The following USP39 variants were observed in gnomAD, a reference collection of about 807,000 sequenced individuals.
The protein encoded by USP39 is ubiquitin carboxyl-terminal hydrolase 39.
USP39 carries 38 observed loss-of-function variants against 66.4 expected under a neutral mutation model. The ratio of observed to expected loss-of-function variants is 0.57; its 90% CI spans 0.44 to 0.75. The LOEUF (loss-of-function observed/expected upper bound fraction) is 0.75. USP39 is among the 30% of genes least tolerant of loss of function. USP39 has a pLI of 0.00. For missense variants in USP39, 608 were observed against 714.4 expected, an observed-to-expected ratio of 0.85 and a Z score of 1.70; for synonymous variants, 303 against 274.6, an observed-to-expected ratio of 1.10 and a Z score of -1.02.
At chr2:85,641,907 TAAAAAAA>T (rs759697072) in intron 10 of USP39, among the ~76,000 whole-genome samples, 5 of 91,334 alleles carry the variant, frequency 5.5e-5, no homozygotes, top group Admixed American at 1.4e-4. Context: ...GTGACTGTGC[TAAAAAAA>T]AAAAAAAAAA....
At chr2:85,624,450 A>G (rs1024304636) in intron 4 of USP39, among the ~76,000 whole-genome samples, 3 of 151,812 alleles carry the variant, frequency 2.0e-5, no homozygotes, top group Admixed American at 6.6e-5. Context: ...GGTTCAAGTG[A>G]TACTTTTACT....
upstream of USP39, chr2:85,612,163 G>A: frequency 1.1e-6 from 1 of 889,608 alleles, no homozygotes; most frequent in Non-Finnish European, 1.7e-6. Flanking sequence ...GGTCGGGTCG[G>A]GTGGAGTAGG....
At chr2:85,607,099 A>G (rs1356140777) in intron 1 of USP39, 2 of 152,176 alleles carry the variant, frequency 1.3e-5, no homozygotes, top group African/African-American at 4.8e-5. Flanking sequence ...CCAAGCCCCC[A>G]AACTCCTCTT....
rs538530285 is a variant in USP39, at chr2:85,649,134, A to G, written c.*326A>G. On this transcript the variant is annotated 3_prime_UTR_variant, in exon 13 of 13. Transcript: ENST00000323701. ...TCTGGGAGTAGTTGAAGAACAGATAATTCCTTCCAAACATCAAGCCTTGGG... is the reference window on the plus strand; with the variant it reads ...TCTGGGAGTAGTTGAAGAACAGATAGTTCCTTCCAAACATCAAGCCTTGGG... 2 of 260,236 alleles carry G rather than the reference A, an allele frequency of 7.7e-6. No individual in the cohort carries two copies. The highest frequency in any genetic ancestry group is 4.5e-5 in the African/African-American group (2 of 44,344). The allele number at this position is 260,236 out of a possible 1,614,324, so 16.1% of individuals were successfully genotyped here. A position where few individuals can be genotyped will look rare whatever the true frequency, so the allele number is the denominator to read the frequency against.
chr2:85,648,749 C>T lies in USP39; in HGVS notation c.1651-12C>T. 1 of 1,613,996 alleles carries T rather than the reference C, an allele frequency of 6.2e-7. No homozygotes were observed. The highest frequency in any genetic ancestry group is 8.5e-7 in the Non-Finnish European group (1 of 1,179,916). On this transcript the variant is annotated splice_polypyrimidine_tract_variant and intron_variant, in intron 12 of 12. Transcript: ENST00000323701. ...CCTCCTAGACTTCAGTTTGTGTTTT[C>T]ATTTCTTACAGATTTGGAAGAGGCG...
At chr2:85,610,358 CTT>C (rs1673431756), upstream of USP39, 1 of 152,194 alleles carries the variant, frequency 6.6e-6, no homozygotes, top group Non-Finnish European at 1.5e-5. Context: ...ACTTATTTAC[CTT>C]TGCATCCCTG....
upstream of USP39, among the ~76,000 whole-genome samples, chr2:85,612,957 G>A (rs1349140275): frequency 1.6e-5 from 2 of 122,478 alleles, no homozygotes; most frequent in African/African-American, 8.5e-5. Flanking sequence ...CACCGTGCCC[G>A]GCCCCTTTTT....
At chr2:85,608,806 C>CGGTGG, upstream of USP39, 6 of 1,161,378 alleles carry the variant, frequency 5.2e-6, no homozygotes, top group Admixed American at 2.2e-5. Flanking sequence ...AGGTGTAGTC[C>CGGTGG]TGCAACACCC....
chr2:85,613,651 T>C (rs1673719719), upstream of USP39, among the ~76,000 whole-genome samples: 1 of 152,238 alleles, frequency 6.6e-6, no homozygotes, highest in South Asian at 2.1e-4. Flanking sequence ...CTCTGTATGA[T>C]TCCATTTATA....
intron 1 of USP39, among the ~76,000 whole-genome samples, chr2:85,618,826 G>T (rs1674216546): frequency 6.6e-6 from 1 of 151,670 alleles, no homozygotes; most frequent in South Asian, 2.1e-4. Context: ...CTGGAGTGCA[G>T]CGGTACGATC....
chr2:85,611,851 C>A, upstream of USP39: 1 of 1,597,448 alleles, frequency 6.3e-7, no homozygotes, highest in Middle Eastern at 1.7e-4. Flanking sequence ...GGAGTGGTGG[C>A]GGCGGCGGCG....
rs182754174 is a variant in USP39 at position 85,646,720 on chromosome 2, G to C, written c.1564-1210G>C. ...GTTGGATAAGACAGGTGGGCGGCCA[G>C]AGGTGCCTCTGCCTTAATCTAGAAA... is the stretch of plus-strand genomic sequence containing the variant. On this transcript the variant is annotated intron_variant, in intron 11 of 12. Coordinates refer to ENST00000323701, the MANE Select transcript of USP39 (RefSeq NM_006590.4). Among the ~76,000 whole-genome samples the C allele has an allele frequency of 4.6e-5, 7 of 152,312 alleles. No homozygotes were observed. In the East Asian group the frequency reaches 1.3e-3, roughly 29 times the overall value.
At chr2:85,642,163 C>T (rs1676281898) in intron 10 of USP39, among the ~76,000 whole-genome samples, 1 of 152,170 alleles carries the variant, frequency 6.6e-6, no homozygotes, top group Admixed American at 6.5e-5. Flanking sequence ...ATTGCCAGGA[C>T]TCTTAGAATC....
chr2:85,633,345 A>G (rs1460408787), intron 6 of USP39, among the ~76,000 whole-genome samples: 1 of 151,808 alleles, frequency 6.6e-6, no homozygotes, highest in Non-Finnish European at 1.5e-5. Flanking sequence ...CTGGTATCGA[A>G]CTCCTCACCT....
At chr2:85,638,973 CAGGGCTTTT>C (rs1203767915) in intron 8 of USP39, among the ~76,000 whole-genome samples, 1 of 151,974 alleles carries the variant, frequency 6.6e-6, no homozygotes, top group African/African-American at 2.4e-5. Context: ...CACTTGGCCT[CAGGGCTTTT>C]TAGATAGTCT....
intron 5 of USP39, among the ~76,000 whole-genome samples, chr2:85,629,945 G>A (rs986380804): frequency 1.3e-5 from 2 of 152,108 alleles, no homozygotes; most frequent in African/African-American, 4.8e-5. Context: ...CTGGGGGATG[G>A]AGCAAGACTC....
Position 85,637,403 on chromosome 2 carries a change from G to T in USP39, c.1062G>T (p.Arg354Ser). 1 of 1,614,144 alleles carries T rather than the reference G, an allele frequency of 6.2e-7. No individual in the cohort carries two copies. Among genetic ancestry groups the T allele is most frequent in the Non-Finnish European group, 8.5e-7 (1 of 1,180,022 alleles). Residue 354 changes from arginine (R) to serine (S), a missense_variant, in exon 8 of 13, where the codon AGG (arginine) becomes AGT (serine). Arg to Ser is a moderately radical substitution (Grantham distance 110). Coordinates refer to ENST00000323701, the MANE Select transcript of USP39 (RefSeq NM_006590.4). ...IVTDVFQGSM[R>S]IFTKKLPHPD... ...CTGATGTTTTCCAGGGGTCCATGAGGATCTTCACTAAAAAGCTTCCCCATC... is the reference window on the plus strand; with the variant it reads ...CTGATGTTTTCCAGGGGTCCATGAGTATCTTCACTAAAAAGCTTCCCCATC...
Position 85,636,173 on chromosome 2 carries a change from T to C in USP39, c.1027+43T>C, listed in dbSNP as rs1011724898. The C allele has an allele frequency of 5.6e-6, 9 of 1,598,274 alleles. No homozygotes were observed. The Admixed American group carries it at 1.2e-4, about 21-fold the overall frequency. ...AAAAAGGAGTTATTTTGTTCCCTTT[T>C]AAAAAACTTTGCGGTCGGTCGCAAT... On this transcript the variant is annotated intron_variant, in intron 7 of 12. Transcript: ENST00000323701.
intron 10 of USP39, among the ~76,000 whole-genome samples, chr2:85,643,859 C>T (rs1487479285): frequency 6.6e-6 from 1 of 151,860 alleles, no homozygotes; most frequent in Non-Finnish European, 1.5e-5. Context: ...CACGATGTTA[C>T]CCAGGCTGGT....
Sources: gnomAD v4.1 joint callset for allele counts (sites outside exome capture counted in the v4.1 genomes callset) on GRCh38, gnomAD v4.1.1 for gene constraint, MANE v1.5 for transcripts, NCBI Gene and HGNC (gene_info 2026-07-23, HGNC 2026-07-21) for gene names.